DERA: variants seen among roughly 807,000 people sequenced by gnomAD.
DERA encodes 2-deoxy-D-ribose 5-phosphate aldolase.
Under a neutral mutation model 41.1 loss-of-function variants are expected in DERA, and 15 were observed. The observed-to-expected ratio is 0.37, with a 90% confidence interval of 0.24 to 0.56. The LOEUF (loss-of-function observed/expected upper bound fraction) is 0.56, where lower values mean the gene tolerates loss of function less well. Ranked by LOEUF, DERA falls within the 20% of genes least tolerant of loss-of-function variation. DERA has a pLI of 0.81. For missense variants in DERA, 396 were observed against 403.4 expected, an observed-to-expected ratio of 0.98 and a Z score of 0.16; for synonymous variants, 139 against 137.4, an observed-to-expected ratio of 1.01 and a Z score of -0.08.
chr12:15,917,509 TC>T (rs914294984), intron 1 of DERA, among the ~76,000 whole-genome samples: 7 of 152,346 alleles, frequency 4.6e-5, no homozygotes, highest in Non-Finnish European at 8.8e-5. Context: ...CTTTTAATTC[TC>T]CCAGGAATCC....
intron 1 of DERA, among the ~76,000 whole-genome samples, chr12:15,948,516 A>T (rs569300474): frequency 6.6e-6 from 1 of 152,168 alleles, no homozygotes; most frequent in Admixed American, 6.5e-5. Flanking sequence ...TGTATTCATC[A>T]TGTAGCTCTC....
chr12:16,026,238 ATCC>A lies in DERA; in HGVS notation c.638-6302_638-6300del, dbSNP rs1221300202. Among the ~76,000 whole-genome samples the A allele has an allele frequency of 6.6e-6, 1 of 151,802 alleles. No homozygotes were observed. Among genetic ancestry groups the A allele is most frequent in the African/African-American group, 2.4e-5 (1 of 41,314 alleles). ...AACAGAGAAATTTTTTTTTTTAAAT[ATCC>A]TAAAAGCTACTTTTTTTTTTCTCCC... On this transcript the variant is annotated intron_variant, in intron 6 of 8. Coordinates refer to ENST00000428559, the MANE Select transcript of DERA (RefSeq NM_015954.4). This position sits in a 1 kb window ranked among gnomAD's most constrained non-coding sequence, Gnocchi z 4.4.
At chr12:15,929,374 A>G (rs1948310998) in intron 1 of DERA, among the ~76,000 whole-genome samples, 1 of 152,226 alleles carries the variant, frequency 6.6e-6, no homozygotes, top group African/African-American at 2.4e-5. Flanking sequence ...AGCACCCAGC[A>G]GGTGGTGATT....
rs1392596234 is a variant in DERA, at chr12:16,036,084, A to C, written c.751-148A>C. 2.9e-6 allele frequency: 2 copies of C among 681,966 alleles called. No individual in the cohort carries two copies. The highest frequency in any genetic ancestry group is 4.3e-6 in the Non-Finnish European group (2 of 460,812). The allele number at this position is 681,966 out of a possible 1,614,324, so 42.2% of individuals were successfully genotyped here. On this transcript the variant is annotated intron_variant, in intron 7 of 8. Transcript: ENST00000428559. The surrounding 1 kb of genome is among the most constrained non-coding windows in gnomAD (Gnocchi z 4.9). Reference sequence around the variant, plus strand: ...TAGTGTGAATGAGCATGAGTCACTGATCTAAGCCCTTTCACTGGATGAAGT... The same window carrying C: ...TAGTGTGAATGAGCATGAGTCACTGCTCTAAGCCCTTTCACTGGATGAAGT...
chr12:15,917,411 C>A (rs1365441912), intron 1 of DERA, among the ~76,000 whole-genome samples: 2 of 152,118 alleles, frequency 1.3e-5, no homozygotes, highest in African/African-American at 4.8e-5. Flanking sequence ...GGTTTTATGT[C>A]TGAATCTAAT....
chr12:15,914,801 A>G (rs1251613666), intron 1 of DERA, among the ~76,000 whole-genome samples: 1 of 152,088 alleles, frequency 6.6e-6, no homozygotes, highest in Non-Finnish European at 1.5e-5. Flanking sequence ...TTCGAGACAG[A>G]GTCTCCCTCT....
At position 15,976,298 on chromosome 12, in the gene DERA, G is replaced by A. The variant is rs111693052; in HGVS notation, c.509-6010G>A. Among the ~76,000 whole-genome samples the A allele has an allele frequency of 2.6e-4, 40 of 152,040 alleles. No individual in the cohort carries two copies. The highest frequency in any genetic ancestry group is 6.2e-4 in the South Asian group (3 of 4,814). ...GTGTTTGACAATCTCTAGAACCTGC[G>A]GGTTGTCTTCCTGGCTCTACTTGCC... is the stretch of plus-strand genomic sequence containing the variant. On this transcript the variant is annotated intron_variant, in intron 5 of 8. Transcript: ENST00000428559. This position sits in a 1 kb window ranked among gnomAD's most constrained non-coding sequence, Gnocchi z 4.1.
rs573813004 is a variant in DERA at position 15,951,892 on chromosome 12, C to T, written c.32-5044C>T. ...TTCTACAACAGTACTTACTGATGTA[C>T]CTCGTTCTTTTTTTTTTTCTTTTTT... On this transcript the variant is annotated intron_variant, in intron 1 of 8. Transcript: ENST00000428559. Among the ~76,000 whole-genome samples the T allele has an allele frequency of 5.9e-5, 9 of 151,992 alleles. No homozygotes were observed. In the East Asian group the frequency reaches 1.4e-3, roughly 23 times the overall value.
rs1407499097 is a variant in DERA at position 16,011,826 on chromosome 12, C to A, written c.638-20716C>A. Among the ~76,000 whole-genome samples, 1 of 152,042 alleles carries A rather than the reference C, an allele frequency of 6.6e-6. No homozygotes were observed. Among genetic ancestry groups the A allele is most frequent in the Non-Finnish European group, 1.5e-5 (1 of 67,992 alleles). On this transcript the variant is annotated intron_variant, in intron 6 of 8. Transcript: ENST00000428559. The surrounding 1 kb of genome is among the most constrained non-coding windows in gnomAD (Gnocchi z 4.7). Reference sequence around the variant, plus strand: ...TTAATATTTTGTTCAAACTATTATACCTATATAATAATAATGCCTGTGGAT... The same window carrying A: ...TTAATATTTTGTTCAAACTATTATAACTATATAATAATAATGCCTGTGGAT...
In DERA at chr12:15,970,696, C is replaced by T. The variant is rs906928113; in HGVS notation, c.508+7749C>T. Among the ~76,000 whole-genome samples the T allele has an allele frequency of 2.0e-5, 3 of 152,130 alleles. No homozygotes were observed. The highest frequency in any genetic ancestry group is 7.2e-5 in the African/African-American group (3 of 41,418). On this transcript the variant is annotated intron_variant, in intron 5 of 8. Coordinates refer to ENST00000428559, the MANE Select transcript of DERA (RefSeq NM_015954.4). The surrounding 1 kb of genome is among the most constrained non-coding windows in gnomAD (Gnocchi z 4.3). The stretch of plus-strand genomic sequence containing the variant: ...TACACCCACATTTCCAACTCCATCT[C>T]TCTTTTCAGACTGTTCAAGATGTAC...
Position 15,936,994 on chromosome 12 carries a change from A to G in DERA, c.32-19942A>G, listed in dbSNP as rs1481880692. ...CCCTGTCTTGTCTTTCTTTTTTGAG[A>G]TAGTATCTTGCTCTATTGCCCAAGC... On this transcript the variant is annotated intron_variant, in intron 1 of 8. Coordinates refer to ENST00000428559, the MANE Select transcript of DERA (RefSeq NM_015954.4). This position sits in a 1 kb window ranked among gnomAD's most constrained non-coding sequence, Gnocchi z 4.6. Among the ~76,000 whole-genome samples the G allele has an allele frequency of 6.7e-6, 1 of 148,992 alleles. No homozygotes were observed. The highest frequency in any genetic ancestry group is 2.6e-5 in the African/African-American group (1 of 39,038).
Position 16,000,468 on chromosome 12 carries a change from TCATGCTTTTA to T in DERA, c.637+18034_637+18043del, listed in dbSNP as rs1485519947. Among the ~76,000 whole-genome samples the T allele has an allele frequency of 6.6e-6, 1 of 152,216 alleles. No individual in the cohort carries two copies. Among genetic ancestry groups the T allele is most frequent in the Non-Finnish European group, 1.5e-5 (1 of 68,040 alleles). On this transcript the variant is annotated intron_variant, in intron 6 of 8. Transcript: ENST00000428559. The surrounding 1 kb of genome is among the most constrained non-coding windows in gnomAD (Gnocchi z 4.8). ...TAGTGATTCAGGAGGAAAAGGAAAT[TCATGCTTTTA>T]CTTGAATTATCAGGATGATGCTTTG...
At chr12:15,980,617 A>AT (rs771843069) in intron 5 of DERA, among the ~76,000 whole-genome samples, 22 of 152,166 alleles carry the variant, frequency 1.4e-4, no homozygotes, top group Admixed American at 2.6e-4. Context: ...AAGTAGGATG[A>AT]TTTTCTCCCA....
In DERA at chr12:15,954,280, T is replaced by A. The variant is rs141969071; in HGVS notation, c.32-2656T>A. On this transcript the variant is annotated intron_variant, in intron 1 of 8. Coordinates refer to ENST00000428559, the MANE Select transcript of DERA (RefSeq NM_015954.4). This position sits in a 1 kb window ranked among gnomAD's most constrained non-coding sequence, Gnocchi z 4.0. ...GGAACCACTCGACTTATTTATCGTA[T>A]GCCACCCGTGCGTCAGGTCCTTCGC... Among the ~76,000 whole-genome samples, 230 of 152,310 alleles carry A rather than the reference T, an allele frequency of 1.5e-3. 1 individual carries two copies. Among genetic ancestry groups the A allele is most frequent in the African/African-American group, 5.4e-3 (226 of 41,572 alleles).
intron 1 of DERA, among the ~76,000 whole-genome samples, chr12:15,946,678 T>C (rs1948452014): frequency 1.3e-5 from 2 of 152,166 alleles, no homozygotes; most frequent in Non-Finnish European, 2.9e-5. Flanking sequence ...AAAAACCAGC[T>C]CCTGGATTCA....
Position 16,021,056 on chromosome 12 carries a change from A to G in DERA, c.638-11486A>G, listed in dbSNP as rs1225922092. ...TTCCCTGTGGTAGAGAAGGAATTCA[A>G]GCAGGCTGTGGAGCAACTGCTTGCT... On this transcript the variant is annotated intron_variant, in intron 6 of 8. Transcript: ENST00000428559. This position sits in a 1 kb window ranked among gnomAD's most constrained non-coding sequence, Gnocchi z 5.3. 6.6e-6 allele frequency among the ~76,000 whole-genome samples: 1 copy of G among 152,258 alleles called. No individual in the cohort carries two copies. Among genetic ancestry groups the G allele is most frequent in the Non-Finnish European group, 1.5e-5 (1 of 68,040 alleles).
chr12:16,017,043 T>C lies in DERA; in HGVS notation c.638-15499T>C, dbSNP rs1948987631. Among the ~76,000 whole-genome samples, 1 of 152,186 alleles carries C rather than the reference T, an allele frequency of 6.6e-6. No homozygotes were observed. The highest frequency in any genetic ancestry group is 2.4e-5 in the African/African-American group (1 of 41,436). ...GAAGGGTTTGCATAATTATGCAGAA[T>C]CTTCTCCTAGTCAGTAACCAAGGAT... On this transcript the variant is annotated intron_variant, in intron 6 of 8. Coordinates refer to ENST00000428559, the MANE Select transcript of DERA (RefSeq NM_015954.4). This position sits in a 1 kb window ranked among gnomAD's most constrained non-coding sequence, Gnocchi z 5.5.
intron 1 of DERA, among the ~76,000 whole-genome samples, chr12:15,927,528 AAGTT>A (rs1257367380): frequency 6.6e-6 from 1 of 152,196 alleles, no homozygotes; most frequent in African/African-American, 2.4e-5. Context: ...TTTGCTTAAA[AAGTT>A]AGGCATCAGG....
rs1156727565 is a variant in DERA at position 15,995,004 on chromosome 12, G to A, written c.637+12568G>A. On this transcript the variant is annotated intron_variant, in intron 6 of 8. Coordinates refer to ENST00000428559, the MANE Select transcript of DERA (RefSeq NM_015954.4). The surrounding 1 kb of genome is among the most constrained non-coding windows in gnomAD (Gnocchi z 5.1). Reference sequence around the variant, plus strand: ...TCAGAAGTTAAGTGAATAGACCAAGGCCACACACTGAGTAAGTGGCAGAAT... The same window carrying A: ...TCAGAAGTTAAGTGAATAGACCAAGACCACACACTGAGTAAGTGGCAGAAT... Among the ~76,000 whole-genome samples, 2 of 152,104 alleles carry A rather than the reference G, an allele frequency of 1.3e-5. No homozygotes were observed. The highest frequency in any genetic ancestry group is 1.5e-5 in the Non-Finnish European group (1 of 68,032).
Sources: gnomAD v4.1 joint callset for allele counts (sites outside exome capture counted in the v4.1 genomes callset) on GRCh38, gnomAD v4.1.1 for gene constraint, Gnocchi (gnomAD v3.1) non-coding constraint, MANE v1.5 for transcripts, NCBI Gene and HGNC (gene_info 2026-07-23, HGNC 2026-07-21) for gene names.